MEI4: variants seen among roughly 807,000 people sequenced by gnomAD.
The protein encoded by MEI4 is meiosis-specific protein MEI4.
MEI4 carries 27 observed loss-of-function variants against 31.4 expected under a neutral mutation model. The ratio of observed to expected loss-of-function variants is 0.86; its 90% confidence interval spans 0.63 to 1.19. MEI4 has a LOEUF of 1.19. MEI4 is among the 50% of genes most tolerant of loss of function. The pLI is 0.00. For synonymous variants in MEI4, 122 were observed against 145.4 expected (o/e 0.84, Z 1.16); for missense variants, 329 against 398.9 (o/e 0.82, Z 1.49).
chr6:77,834,198 G>A (rs1490250354), intron 4 of MEI4, among the ~76,000 whole-genome samples: 2 of 151,836 alleles, frequency 1.3e-5, no homozygotes, highest in African/African-American at 4.8e-5. Flanking sequence ...GTTGTTTATG[G>A]AACATTTATT....
rs1381195988 is a variant in MEI4 at position 77,669,589 on chromosome 6, TGAGTAAAA to T, written c.-15+16507_-15+16514del. Among the ~76,000 whole-genome samples, 4 of 150,794 alleles carry T rather than the reference TGAGTAAAA, an allele frequency of 2.7e-5. No individual in the cohort carries two copies. The East Asian group carries it at 7.8e-4, about 30-fold the overall frequency. On this transcript the variant is annotated intron_variant, in intron 1 of 4. Coordinates refer to ENST00000684080, the MANE Select transcript of MEI4 (RefSeq NM_001322247.2). ...TGGATACTGAACTAGTCTTAACTGC[TGAGTAAAA>T]GAGTAAAAGCAGAGAGAGGGAAACA...
intron 2 of MEI4, among the ~76,000 whole-genome samples, chr6:77,727,802 C>T (rs559387008): frequency 3.3e-5 from 5 of 152,338 alleles, no homozygotes; most frequent in African/African-American, 1.2e-4. Context: ...ATAAGGCCCA[C>T]TTTAAAAAAT....
At chr6:77,909,072 A>G (rs1766368617) in intron 4 of MEI4, among the ~76,000 whole-genome samples, 1 of 152,116 alleles carries the variant, frequency 6.6e-6, no homozygotes, top group South Asian at 2.1e-4. Flanking sequence ...ACCACACCAC[A>G]CCTATTCCAA....
intron 4 of MEI4, among the ~76,000 whole-genome samples, chr6:77,916,847 G>C (rs540926757): frequency 2.0e-5 from 3 of 151,172 alleles, no homozygotes; most frequent in Admixed American, 6.6e-5. Context: ...TATACATGTG[G>C]CATGCTGGTG....
At chr6:77,801,540 T>C (rs916558287) in intron 3 of MEI4, among the ~76,000 whole-genome samples, 1 of 152,200 alleles carries the variant, frequency 6.6e-6, no homozygotes, top group Non-Finnish European at 1.5e-5. Context: ...CTTTTGAATG[T>C]GTTTGCTCTT....
chr6:77,875,737 G>T (rs1332063425), intron 4 of MEI4, among the ~76,000 whole-genome samples: 5 of 152,108 alleles, frequency 3.3e-5, no homozygotes, highest in South Asian at 2.1e-4. Context: ...TCTGAAAATT[G>T]TAAGAGTTTC....
chr6:77,798,298 C>A (rs550901512), intron 3 of MEI4, among the ~76,000 whole-genome samples: 2 of 150,986 alleles, frequency 1.3e-5, no homozygotes, highest in Admixed American at 1.3e-4. Flanking sequence ...TAAATCCTAA[C>A]GTATTGATTA....
chr6:77,796,884 A>G lies in MEI4; in HGVS notation c.769-32047A>G, dbSNP rs137917900. Among the ~76,000 whole-genome samples, 241 of 152,342 alleles carry G rather than the reference A, an allele frequency of 1.6e-3. 2 individuals carry two copies. The highest frequency in any genetic ancestry group is 5.4e-3 in the African/African-American group (225 of 41,578). ...CAAAAGACCCCAAGTAGCAGAAGCA[A>G]TCTTGAGAATGAAGATCAAAGCTTA... is the stretch of plus-strand genomic sequence containing the variant. On this transcript the variant is annotated intron_variant, in intron 3 of 4. Transcript: ENST00000684080.
In MEI4 at chr6:77,705,441, C is replaced by T. The variant is rs539535567; in HGVS notation, c.232+14538C>T. 7.9e-5 allele frequency among the ~76,000 whole-genome samples: 12 copies of T among 152,284 alleles called. No individual in the cohort carries two copies. The East Asian group carries it at 2.3e-3, about 29-fold the overall frequency. ...TAAATAAAGTTTACAAGTAATATCA[C>T]ACATGTGGAACTATAAACACACATA... On this transcript the variant is annotated intron_variant, in intron 2 of 4. Transcript: ENST00000684080.
At chr6:77,682,646 C>T (rs1320385349) in intron 1 of MEI4, among the ~76,000 whole-genome samples, 1 of 152,104 alleles carries the variant, frequency 6.6e-6, no homozygotes, top group East Asian at 1.9e-4. Flanking sequence ...CCAAGTAGCC[C>T]TGTGATTGTA....
intron 2 of MEI4, among the ~76,000 whole-genome samples, chr6:77,720,617 C>A (rs1434151171): frequency 7.3e-6 from 1 of 136,550 alleles, no homozygotes; most frequent in Non-Finnish European, 1.6e-5. Context: ...AGGTGTAAGA[C>A]TTGACACTGG....
chr6:77,684,248 TA>T (rs1769011728), intron 1 of MEI4, among the ~76,000 whole-genome samples: 1 of 152,198 alleles, frequency 6.6e-6, no homozygotes, highest in South Asian at 2.1e-4. Context: ...TTACGTTTTT[TA>T]AAAATTTTGT....
chr6:77,657,899 T>C (rs1768426884), intron 1 of MEI4, among the ~76,000 whole-genome samples: 1 of 152,224 alleles, frequency 6.6e-6, no homozygotes, highest in Non-Finnish European at 1.5e-5. Flanking sequence ...CCTCCTCCTG[T>C]TCACACTAAC....
intron 4 of MEI4, among the ~76,000 whole-genome samples, chr6:77,911,765 C>A (rs868356430): frequency 1.3e-5 from 2 of 148,944 alleles, no homozygotes; most frequent in Non-Finnish European, 3.0e-5. Context: ...TCTTCTTTAT[C>A]CAGTCCACTG....
chr6:77,777,251 C>T (rs1288035194), intron 3 of MEI4, among the ~76,000 whole-genome samples: 1 of 152,070 alleles, frequency 6.6e-6, no homozygotes, highest in African/African-American at 2.4e-5. Context: ...CCCAAGAAAA[C>T]AGAACCACAA....
intron 4 of MEI4, among the ~76,000 whole-genome samples, chr6:77,851,849 A>T (rs1158851946): frequency 6.6e-6 from 1 of 152,148 alleles, no homozygotes; most frequent in Non-Finnish European, 1.5e-5. Flanking sequence ...GTGAACTTTT[A>T]CTACATGGTA....
At chr6:77,695,656 G>T (rs947016495) in intron 2 of MEI4, among the ~76,000 whole-genome samples, 61 of 152,238 alleles carry the variant, frequency 4.0e-4, no homozygotes, top group African/African-American at 1.4e-3. Context: ...ATGCTGTTTT[G>T]GTTACTGTAG....
chr6:77,689,941 G>T (rs1769127955), intron 1 of MEI4, among the ~76,000 whole-genome samples: 1 of 151,972 alleles, frequency 6.6e-6, no homozygotes, highest in Non-Finnish European at 1.5e-5. Flanking sequence ...TATTAAAGCA[G>T]TGTATGCAGT....
intron 3 of MEI4, among the ~76,000 whole-genome samples, chr6:77,766,684 T>A (rs1258287201): frequency 1.3e-5 from 2 of 152,120 alleles, no homozygotes; most frequent in Non-Finnish European, 2.9e-5. Flanking sequence ...AGTGCTGGGA[T>A]TACAGGCGTG....
Sources: gnomAD v4.1 joint callset for allele counts (sites outside exome capture counted in the v4.1 genomes callset) on GRCh38, gnomAD v4.1.1 for gene constraint, MANE v1.5 for transcripts, NCBI Gene and HGNC (gene_info 2026-07-23, HGNC 2026-07-21) for gene names.